MGAT4D: variants seen among roughly 807,000 people sequenced by gnomAD.
MGAT4D encodes the protein alpha-1,3-mannosyl-glycoprotein 4-beta-N-acetylglucosaminyltransferase-like protein MGAT4D.
A neutral mutation model predicts 15.9 loss-of-function variants in MGAT4D; 34 were observed. The ratio of observed to expected loss-of-function variants is 2.14; its 90% CI spans 1.62 to 2.84. MGAT4D has a LOEUF of 2.84. MGAT4D is among the 30% of genes most tolerant of loss of function. The probability of loss-of-function intolerance (pLI) is 0.00; values close to 1 mark genes in which losing one functional copy is unlikely to be tolerated. For synonymous variants in MGAT4D, 112 were observed against 48.2 expected, an observed-to-expected ratio of 2.33 and a Z score of -5.49; for missense variants, 327 against 140.2, an observed-to-expected ratio of 2.33 and a Z score of -6.73.
chr4:140,456,431 C>G (rs1443936140), intron 9 of MGAT4D, among the ~76,000 whole-genome samples, 158 bp downstream of exon 9: 1 of 151,692 alleles, frequency 6.6e-6, no homozygotes, highest in African/African-American at 2.4e-5. Flanking sequence ...TCTCTCATTA[C>G]TTCATTTAAT....
chr4:140,458,400 T>C (rs1376992899), intron 8 of MGAT4D: 2 of 152,072 alleles, frequency 1.3e-5, no homozygotes, highest in East Asian at 1.9e-4. Flanking sequence ...TTAACAAAAG[T>C]AGGTAATCAA....
intron 3 of MGAT4D, among the ~76,000 whole-genome samples, chr4:140,478,677 A>G (rs571215355): frequency 1.3e-5 from 2 of 152,328 alleles, no homozygotes; most frequent in South Asian, 4.1e-4. Context: ...CACAGAATGC[A>G]ATAGATAAAC....
intron 5 of MGAT4D, among the ~76,000 whole-genome samples, chr4:140,466,760 GC>G (rs1731560251): frequency 6.6e-6 from 1 of 151,956 alleles, no homozygotes; most frequent in Non-Finnish European, 1.5e-5. Flanking sequence ...CATTTCTATG[GC>G]CCCATGCTAT....
At chr4:140,488,757 G>T (rs968379780) in intron 1 of MGAT4D, among the ~76,000 whole-genome samples, 1 of 152,162 alleles carries the variant, frequency 6.6e-6, no homozygotes, top group African/African-American at 2.4e-5. Flanking sequence ...AATGTGGGAG[G>T]CATTTGAGTC....
In MGAT4D at chr4:140,445,290, AT is replaced by A. The variant is rs541266474; in HGVS notation, c.1117-1847del. ...TCTCTAATGCTTAGTGATACTGAGC[AT>A]TTTTTTTCATATGCTTCTTGGCTGC... On this transcript the variant is annotated intron_variant, in intron 10 of 10. Coordinates refer to ENST00000511113, the MANE Select transcript of MGAT4D (RefSeq NM_001277353.2). Among the ~76,000 whole-genome samples the A allele has an allele frequency of 6.6e-5, 10 of 151,654 alleles. No individual in the cohort carries two copies. In the South Asian group the frequency reaches 1.9e-3, roughly 28 times the overall value.
At chr4:140,482,030 G>A (rs1208578966) in intron 2 of MGAT4D, among the ~76,000 whole-genome samples, 1 of 152,192 alleles carries the variant, frequency 6.6e-6, no homozygotes, top group African/African-American at 2.4e-5. Context: ...TGACATGGAA[G>A]TATGCAAGAG....
At chr4:140,481,465 C>A (rs973539318) in intron 2 of MGAT4D, among the ~76,000 whole-genome samples, 1 of 152,138 alleles carries the variant, frequency 6.6e-6, no homozygotes, top group African/African-American at 2.4e-5. Context: ...CATATGAATT[C>A]TAAAAAAATT....
At chr4:140,485,603 T>C (rs1733059451) in intron 1 of MGAT4D, among the ~76,000 whole-genome samples, 1 of 149,834 alleles carries the variant, frequency 6.7e-6, no homozygotes, top group Non-Finnish European at 1.5e-5. Flanking sequence ...AAAATAGAAC[T>C]GCATAACGCA....
intron 1 of MGAT4D, among the ~76,000 whole-genome samples, chr4:140,497,167 T>C (rs921939750): frequency 3.9e-5 from 6 of 152,160 alleles, no homozygotes; most frequent in African/African-American, 1.4e-4. Context: ...CCTACCAAGA[T>C]TACCTTGTGT....
intron 6 of MGAT4D, 95 bp downstream of exon 6, chr4:140,464,801 C>T (rs1412021774): frequency 3.1e-6 from 2 of 655,066 alleles, no homozygotes; most frequent in Admixed American, 2.2e-5. Context: ...TCCAGAACAC[C>T]ACTGTGTCTG....
At chr4:140,463,586 A>G (rs1444242054) in intron 6 of MGAT4D, among the ~76,000 whole-genome samples, 1 of 152,172 alleles carries the variant, frequency 6.6e-6, no homozygotes, top group Non-Finnish European at 1.5e-5. Context: ...CTGAATATAA[A>G]AAAAGCAGTA....
chr4:140,481,755 A>G (rs1732748478), intron 2 of MGAT4D, among the ~76,000 whole-genome samples: 1 of 152,228 alleles, frequency 6.6e-6, no homozygotes, highest in African/African-American at 2.4e-5. Context: ...TGGCAAAGCA[A>G]TAAGAACAGA....
At chr4:140,489,508 AC>A (rs1046285976) in intron 1 of MGAT4D, among the ~76,000 whole-genome samples, 1 of 151,690 alleles carries the variant, frequency 6.6e-6, no homozygotes, top group Non-Finnish European at 1.5e-5. Flanking sequence ...CTTCCTCCCT[AC>A]CCCCAGATAA....
At chr4:140,461,685 C>G (rs998793849) in intron 7 of MGAT4D, among the ~76,000 whole-genome samples, 12 of 152,002 alleles carry the variant, frequency 7.9e-5, no homozygotes, top group African/African-American at 2.7e-4. Context: ...TTCTCTGTAA[C>G]AGTGAACCTA....
At chr4:140,457,804 A>G (rs1469012716) in intron 8 of MGAT4D, 1 of 152,198 alleles carries the variant, frequency 6.6e-6, no homozygotes, top group Non-Finnish European at 1.5e-5. Context: ...TCCATCAGCA[A>G]GATTACTTTG....
rs923406431 is a variant in MGAT4D, at chr4:140,442,430, T to A, written c.*1006A>T. On this transcript the variant is annotated 3_prime_UTR_variant, in exon 11 of 11. Coordinates refer to ENST00000511113, the MANE Select transcript of MGAT4D (RefSeq NM_001277353.2). ...ATCACTTATTATTGCTCAAAATAAG[T>A]AATACCTTACAGAATAACATCAAGA... is the stretch of plus-strand genomic sequence containing the variant. The A allele has an allele frequency of 6.6e-6, 1 of 152,076 alleles. No homozygotes were observed. The highest frequency in any genetic ancestry group is 1.5e-5 in the Non-Finnish European group (1 of 67,978). 9.4% of individuals were successfully genotyped at this position (152,076 alleles called of 1,614,324 possible).
chr4:140,492,989 C>G (rs1733602367), intron 1 of MGAT4D, among the ~76,000 whole-genome samples: 1 of 152,142 alleles, frequency 6.6e-6, no homozygotes, highest in Non-Finnish European at 1.5e-5. Flanking sequence ...AAAATACATT[C>G]TTATTGTTTT....
intron 4 of MGAT4D, among the ~76,000 whole-genome samples, chr4:140,473,016 A>G (rs1365480807): frequency 6.6e-6 from 1 of 152,168 alleles, no homozygotes; most frequent in African/African-American, 2.4e-5. Context: ...AAAGATAATA[A>G]AGGTTCTTCT....
chr4:140,484,931 G>C (rs527492130), intron 1 of MGAT4D, among the ~76,000 whole-genome samples: 20 of 152,308 alleles, frequency 1.3e-4, no homozygotes, highest in African/African-American at 4.8e-4. Flanking sequence ...GGAGAAATAG[G>C]AACACTTTTA....
Sources: allele counts gnomAD v4.1 joint callset (sites outside exome capture counted in the v4.1 genomes callset), GRCh38; gene constraint gnomAD v4.1.1; transcripts MANE v1.5; gene names NCBI Gene and HGNC (gene_info 2026-07-23, HGNC 2026-07-21).